Variants in LEPR observed in about 807,000 individuals in gnomAD.
LEPR encodes leptin receptor.
A neutral mutation model predicts 114.7 loss-of-function variants in LEPR; 56 were observed. The observed-to-expected ratio is 0.49, with a 90% CI of 0.39 to 0.61. The LOEUF (loss-of-function observed/expected upper bound fraction) is 0.61, where lower values mean the gene tolerates loss of function less well. LEPR is among the 20% of genes least tolerant of loss of function. The pLI is 0.00. For missense variants in LEPR, 1,202 were observed against 1,352.9 expected (o/e 0.89, Z 1.75); for synonymous variants, 443 against 461.4 (o/e 0.96, Z 0.51).
chr1:65,580,552 G>T (rs1018858391), intron 5 of LEPR, among the ~76,000 whole-genome samples: 1 of 152,210 alleles, frequency 6.6e-6, no homozygotes, highest in African/African-American at 2.4e-5. Context: ...CTCTAGAAAT[G>T]TAATATTTTG....
Position 65,605,124 on chromosome 1 carries a change from A to C in LEPR, c.1490A>C (p.Glu497Ala), listed in dbSNP as rs532890209. 3.1e-6 allele frequency: 5 copies of C among 1,614,114 alleles called. No homozygotes were observed. The African/African-American group carries it at 5.3e-5, about 17-fold the overall frequency. ...DCYLQSDGFY[E>A]CIFQPIFLLS... is the part of the protein sequence containing the mutation. Reference sequence around the variant, plus strand: ...TATTTGCAGAGTGATGGTTTTTATGAATGCATTTTCCAGCCAATCTTCCTA... The same window carrying C: ...TATTTGCAGAGTGATGGTTTTTATGCATGCATTTTCCAGCCAATCTTCCTA... Residue 497 changes from glutamate to alanine, a missense_variant, in exon 11 of 20, where the codon GAA (glutamate) becomes GCA (alanine). Transcript: ENST00000349533.
chr1:65,615,944 T>TGA, intron 14 of LEPR, 64 bp from the exon 15 acceptor site: 1 of 1,598,718 alleles, frequency 6.3e-7, no homozygotes, highest in Non-Finnish European at 8.6e-7. Context: ...GAGAGTTATG[T>TGA]GAGCTCAGTT....
At chr1:65,578,869 G>A (rs1011743406) in intron 5 of LEPR, among the ~76,000 whole-genome samples, 2 of 152,068 alleles carry the variant, frequency 1.3e-5, no homozygotes, top group African/African-American at 4.8e-5. Context: ...TTGATTACCA[G>A]GCTGTAGTTA....
At chr1:65,582,067 G>T (rs989707618) in intron 5 of LEPR, among the ~76,000 whole-genome samples, 2 of 152,138 alleles carry the variant, frequency 1.3e-5, no homozygotes, top group African/African-American at 4.8e-5. Flanking sequence ...CTGTCTGTCC[G>T]CTGGTTCCAA....
chr1:65,456,145 G>A (rs1188030390), intron 2 of LEPR, among the ~76,000 whole-genome samples: 1 of 152,096 alleles, frequency 6.6e-6, no homozygotes, highest in Non-Finnish European at 1.5e-5. Context: ...TTCGGCTCGT[G>A]CACGGTGCGC....
chr1:65,539,831 A>T (rs1651058722), intron 2 of LEPR, among the ~76,000 whole-genome samples: 1 of 152,140 alleles, frequency 6.6e-6, no homozygotes, highest in Admixed American at 6.5e-5. Context: ...GGTAGTAGGC[A>T]TTGAGGTTTC....
chr1:65,576,666 A>C (rs1654607211), intron 5 of LEPR: 1 of 159,612 alleles, frequency 6.3e-6, no homozygotes, highest in South Asian at 1.7e-4. Context: ...TGATGGTTCC[A>C]AAGCTTTTCC....
Position 65,568,525 on chromosome 1 carries a change from TGC to T in LEPR, c.41-1947_41-1946del, listed in dbSNP as rs1491194032. On this transcript the variant is annotated intron_variant, in intron 3 of 19. Coordinates refer to ENST00000349533, the MANE Select transcript of LEPR (RefSeq NM_002303.6). ...GAGTGTGTGTGTGTGTGTGTGTGTGTGCATGTGCATGTGTGTGAATATGCCAC... is the reference window on the plus strand; with the variant it reads ...GAGTGTGTGTGTGTGTGTGTGTGTGTATGTGCATGTGTGTGAATATGCCAC... 3.4e-5 allele frequency among the ~76,000 whole-genome samples: 5 copies of T among 147,684 alleles called. No individual in the cohort carries two copies. The Admixed American group carries it at 3.4e-4, about 10-fold the overall frequency.
At chr1:65,452,622 A>T (rs1455507068) in intron 2 of LEPR, among the ~76,000 whole-genome samples, 1 of 151,498 alleles carries the variant, frequency 6.6e-6, no homozygotes, top group Non-Finnish European at 1.5e-5. Context: ...CATCCCAGGG[A>T]TGAAGCCCAC....
At chr1:65,607,791 A>T (rs1370091575) in intron 11 of LEPR, among the ~76,000 whole-genome samples, 1 of 152,176 alleles carries the variant, frequency 6.6e-6, no homozygotes, top group Non-Finnish European at 1.5e-5. Flanking sequence ...AACTTGGGGG[A>T]AAACTTATGT....
chr1:65,442,357 C>G (rs1029339616), intron 2 of LEPR, among the ~76,000 whole-genome samples: 1 of 152,148 alleles, frequency 6.6e-6, no homozygotes, highest in Non-Finnish European at 1.5e-5. Flanking sequence ...CACCTATGAC[C>G]TATGACCCCT....
At chr1:65,454,108 T>G (rs527368450) in intron 2 of LEPR, among the ~76,000 whole-genome samples, 12 of 151,570 alleles carry the variant, frequency 7.9e-5, no homozygotes, top group African/African-American at 1.5e-4. Flanking sequence ...TTGCAACCCC[T>G]GCCTTTTTTT....
rs142855473 is a variant in LEPR, at chr1:65,579,274, T to G, written c.494+6825T>G. On this transcript the variant is annotated intron_variant, in intron 5 of 19. Coordinates refer to ENST00000349533, the MANE Select transcript of LEPR (RefSeq NM_002303.6). ...TTGGAAAGTGGAGGTGGAAGACTAA[T>G]GGATAATGAATGTCCCAGGGTGGAT... 3.3e-3 allele frequency among the ~76,000 whole-genome samples: 506 copies of G among 152,308 alleles called. 4 individuals are homozygous for G. Among genetic ancestry groups the G allele is most frequent in the African/African-American group, 0.012 (482 of 41,564 alleles).
intron 2 of LEPR, among the ~76,000 whole-genome samples, chr1:65,442,210 G>A (rs552116017): frequency 2.6e-5 from 4 of 152,236 alleles, no homozygotes; most frequent in Admixed American, 6.5e-5. Flanking sequence ...CAAAAGGTTG[G>A]TGCCTTATGA....
chr1:65,636,483 T>G lies in LEPR; in HGVS notation c.2966T>G (p.Leu989Arg). ...CAACCCTTTGTTAAATACGCCACGC[T>G]GATCAGCAACTCTAAACCAAGTGAA... Reference protein sequence around the residue: ...QRQPFVKYATLISNSKPSETG... With the variant: ...QRQPFVKYATRISNSKPSETG... Residue 989 changes from leucine (L) to arginine (R), a missense_variant, in exon 20 of 20, where the codon CTG becomes CGG. Leu to Arg is a moderately radical substitution (Grantham distance 102). Coordinates refer to ENST00000349533, the MANE Select transcript of LEPR (RefSeq NM_002303.6). 1 of 1,614,120 alleles carries G rather than the reference T, an allele frequency of 6.2e-7. No homozygotes were observed. The highest frequency in any genetic ancestry group is 8.5e-7 in the Non-Finnish European group (1 of 1,180,002).
At chr1:65,458,071 A>C (rs1646899932) in intron 2 of LEPR, among the ~76,000 whole-genome samples, 1 of 152,236 alleles carries the variant, frequency 6.6e-6, no homozygotes, top group Admixed American at 6.5e-5. Flanking sequence ...TGGAGCAACC[A>C]TAGTGCTGAG....
rs553853065 is a variant in LEPR at position 65,577,071 on chromosome 1, C to T, written c.494+4622C>T. On this transcript the variant is annotated intron_variant, in intron 5 of 19. Coordinates refer to ENST00000349533, the MANE Select transcript of LEPR (RefSeq NM_002303.6). ...GTGCAGCCCTCAGTTGAATCCTCCA[C>T]GGACAACAGAGGATGAGCTGTAGGC... 38 of 207,956 alleles carry T rather than the reference C, an allele frequency of 1.8e-4. 2 individuals carry two copies. The South Asian group carries it at 2.6e-3, about 14-fold the overall frequency. The allele number at this position is 207,956 out of a possible 1,614,324, so 12.9% of individuals were successfully genotyped here.
intron 10 of LEPR, 138 bp from the exon 11 acceptor site, chr1:65,604,900 A>T: frequency 1.0e-6 from 1 of 974,708 alleles, no homozygotes; most frequent in Non-Finnish European, 1.5e-6. Flanking sequence ...TTAGTGGAAA[A>T]ATTGTCTTCC....
chr1:65,626,128 G>C (rs752359213), intron 19 of LEPR: 3 of 1,612,094 alleles, frequency 1.9e-6, no homozygotes, highest in Non-Finnish European at 2.5e-6. Flanking sequence ...TCCAGAAAAT[G>C]CCTGGCACAA....
Sources: allele counts gnomAD v4.1 joint callset (sites outside exome capture counted in the v4.1 genomes callset), GRCh38; gene constraint gnomAD v4.1.1; transcripts MANE v1.5; gene names NCBI Gene and HGNC (gene_info 2026-07-23, HGNC 2026-07-21).